SYNE1: variants seen among roughly 807,000 people sequenced by gnomAD.
SYNE1 encodes spectrin repeat containing nuclear envelope protein 1, also known as nesprin-1.
Under a neutral mutation model 1,111.0 loss-of-function variants are expected in SYNE1, and 616 were observed. That is an observed-to-expected ratio of 0.55 (90% CI 0.52 to 0.59). The LOEUF (loss-of-function observed/expected upper bound fraction) is 0.59, where lower values mean the gene tolerates loss of function less well. Among genes scored for constraint, SYNE1 ranks in the 20% least tolerant of loss-of-function variants. SYNE1 has a pLI of 0.00. For synonymous variants in SYNE1, 3,855 were observed against 3,825.8 expected, an observed-to-expected ratio of 1.01 and a Z score of -0.28; for missense variants, 10,006 against 10,417.0, an observed-to-expected ratio of 0.96 and a Z score of 1.72.
At chr6:152,484,064 T>C (rs75295635) in intron 13 of SYNE1, among the ~76,000 whole-genome samples, 3 of 110,106 alleles carry the variant, frequency 2.7e-5, no homozygotes, top group African/African-American at 9.4e-5. Context: ...AAAAAAAAAT[T>C]AGCCAAGTAT....
chr6:152,517,532 A>G (rs928325111), intron 6 of SYNE1, among the ~76,000 whole-genome samples: 1 of 152,240 alleles, frequency 6.6e-6, no homozygotes, highest in Admixed American at 6.5e-5. Context: ...TTATGCACAT[A>G]GTTATTAACT....
intron 32 of SYNE1, 86 bp downstream of exon 32, chr6:152,441,044 A>C: frequency 6.7e-7 from 1 of 1,501,938 alleles, no homozygotes; most frequent in Non-Finnish European, 9.2e-7. Flanking sequence ...AACAATAACA[A>C]TTAATAGTAA....
intron 77 of SYNE1, among the ~76,000 whole-genome samples, chr6:152,332,172 C>T (rs370128039): frequency 2.6e-5 from 4 of 152,120 alleles, no homozygotes; most frequent in South Asian, 4.1e-4. Context: ...CAGGGTTTCA[C>T]CATGTTGGTC....
rs548505770 is a variant in SYNE1, at chr6:152,263,320, G to A, written c.18816-1132C>T. On this transcript the variant is annotated intron_variant, in intron 100 of 145. Transcript: ENST00000367255. ...ACGGAGGGATAGTGCAGAGAGATAT[G>A]GGAGGAAGGCCCTGCAGTGTCATCC... 8.5e-5 allele frequency among the ~76,000 whole-genome samples: 13 copies of A among 152,226 alleles called. No individual in the cohort carries two copies. In the South Asian group the frequency reaches 1.5e-3, roughly 17 times the overall value.
chr6:152,280,264 T>C (rs2093952102), intron 97 of SYNE1, among the ~76,000 whole-genome samples: 1 of 152,206 alleles, frequency 6.6e-6, no homozygotes, highest in African/African-American at 2.4e-5. Context: ...TAATTTAATG[T>C]AGTAATTTAA....
At chr6:152,158,773 AG>A (rs1433126436) in intron 131 of SYNE1, among the ~76,000 whole-genome samples, 1 of 151,320 alleles carries the variant, frequency 6.6e-6, no homozygotes. Flanking sequence ...TACATTTGGA[AG>A]AAGTGTTAGG....
At chr6:152,175,300 A>T (rs1177352794) in intron 130 of SYNE1, among the ~76,000 whole-genome samples, 3 of 152,230 alleles carry the variant, frequency 2.0e-5, no homozygotes, top group African/African-American at 4.8e-5. Flanking sequence ...ATACTTTTTG[A>T]TAACTCTCTT....
At chr6:152,375,687 C>T (rs945742673) in intron 58 of SYNE1, among the ~76,000 whole-genome samples, 2 of 152,162 alleles carry the variant, frequency 1.3e-5, no homozygotes, top group African/African-American at 2.4e-5. Context: ...GACGCTTTTA[C>T]CCTATTGTAC....
At chr6:152,196,068 C>T (rs183338677) in intron 127 of SYNE1, among the ~76,000 whole-genome samples, 347 of 152,304 alleles carry the variant, frequency 2.3e-3, no homozygotes, top group African/African-American at 7.9e-3. Context: ...ACAACAGAAC[C>T]GTGGGGAATA....
At chr6:152,521,953 T>C (rs1443609808) in intron 5 of SYNE1, among the ~76,000 whole-genome samples, 1 of 152,182 alleles carries the variant, frequency 6.6e-6, no homozygotes, top group African/African-American at 2.4e-5. Flanking sequence ...ACCCATGTTT[T>C]CTAAGAGTTT....
intron 18 of SYNE1, among the ~76,000 whole-genome samples, chr6:152,463,875 G>T (rs1161426210): frequency 6.6e-6 from 1 of 152,112 alleles, no homozygotes; most frequent in Non-Finnish European, 1.5e-5. Context: ...CATATAAAAG[G>T]CATAATACAT....
intron 3 of SYNE1, among the ~76,000 whole-genome samples, chr6:152,558,797 A>G (rs886645143): frequency 6.6e-6 from 1 of 152,170 alleles, no homozygotes; most frequent in Admixed American, 6.5e-5. Context: ...ACAGAAACTC[A>G]ACAAGGAAAC....
chr6:152,339,446 G>T (rs2096483981), intron 74 of SYNE1, 80 bp from the exon 75 acceptor site: 1 of 1,573,092 alleles, frequency 6.4e-7, no homozygotes, highest in Non-Finnish European at 8.7e-7. Flanking sequence ...GGAATATTCT[G>T]TTGACATTTC....
intron 3 of SYNE1, among the ~76,000 whole-genome samples, chr6:152,564,257 T>A (rs967032247): frequency 1.3e-5 from 2 of 152,190 alleles, no homozygotes; most frequent in African/African-American, 4.8e-5. Flanking sequence ...AAATCACTGG[T>A]GAAAATGTTT....
At chr6:152,564,189 A>G (rs2099403856) in intron 3 of SYNE1, among the ~76,000 whole-genome samples, 2 of 152,222 alleles carry the variant, frequency 1.3e-5, no homozygotes, top group Admixed American at 1.3e-4. Flanking sequence ...TGGGATTTCA[A>G]GGAAAAACAC....
chr6:152,228,301 G>A (rs2082046112), intron 115 of SYNE1, among the ~76,000 whole-genome samples: 1 of 152,012 alleles, frequency 6.6e-6, no homozygotes, highest in East Asian at 1.9e-4. Flanking sequence ...ATCATGAACC[G>A]GCATCAGTAC....
At chr6:152,166,021 T>A (rs972285653) in intron 130 of SYNE1, among the ~76,000 whole-genome samples, 1 of 152,222 alleles carries the variant, frequency 6.6e-6, no homozygotes, top group Admixed American at 6.5e-5. Context: ...TTTACATCTG[T>A]AGGAATGTCT....
At chr6:152,447,148 A>G (rs1173402692) in intron 29 of SYNE1, among the ~76,000 whole-genome samples, 1 of 152,200 alleles carries the variant, frequency 6.6e-6, no homozygotes, top group Admixed American at 6.5e-5. Flanking sequence ...CTTAGCCTCC[A>G]TGATTTATCT....
At chr6:152,394,736 T>G (rs2154139393) in intron 51 of SYNE1, among the ~76,000 whole-genome samples, 1 of 151,770 alleles carries the variant, frequency 6.6e-6, no homozygotes, top group South Asian at 2.1e-4. Flanking sequence ...CTGAAATGTG[T>G]GAATAACATA....
Sources: gnomAD v4.1 joint callset for allele counts (sites outside exome capture counted in the v4.1 genomes callset) on GRCh38, gnomAD v4.1.1 for gene constraint, MANE v1.5 for transcripts, NCBI Gene and HGNC (gene_info 2026-07-23, HGNC 2026-07-21) for gene names.